The following FOXP2 variants were observed in gnomAD, a reference collection of about 807,000 sequenced individuals.
The protein encoded by FOXP2 is forkhead box protein P2.
FOXP2 carries 12 observed loss-of-function variants against 115.8 expected under a neutral mutation model. The ratio of observed to expected loss-of-function variants is 0.10; its 90% CI spans 0.07 to 0.17. The LOEUF (loss-of-function observed/expected upper bound fraction) is 0.17. Ranked by LOEUF, FOXP2 falls within the 10% of genes least tolerant of loss-of-function variation. FOXP2 has a pLI of 1.00. For missense variants in FOXP2, 629 were observed against 843.5 expected (o/e 0.75, Z 3.15); for synonymous variants, 328 against 297.7 (o/e 1.10, Z -1.05).
At chr7:114,490,559 G>C (rs562882176) in intron 2 of FOXP2, among the ~76,000 whole-genome samples, 1 of 152,048 alleles carries the variant, frequency 6.6e-6, no homozygotes, top group East Asian at 1.9e-4. Context: ...CAATGTGCAG[G>C]TTTGTTACAT....
chr7:114,608,148 G>T (rs1286720909), intron 3 of FOXP2, among the ~76,000 whole-genome samples: 3 of 152,134 alleles, frequency 2.0e-5, no homozygotes, highest in East Asian at 3.9e-4. Flanking sequence ...GTGCTATATT[G>T]CCAGGTCCCA....
chr7:114,505,406 T>C (rs1159613700), intron 2 of FOXP2, among the ~76,000 whole-genome samples: 1 of 151,570 alleles, frequency 6.6e-6, no homozygotes, highest in Non-Finnish European at 1.5e-5. Flanking sequence ...CTTTAAAATG[T>C]CAGGCTTTTC....
At chr7:114,401,896 G>A (rs572944156) in intron 2 of FOXP2, among the ~76,000 whole-genome samples, 107 of 152,234 alleles carry the variant, frequency 7.0e-4, no homozygotes, top group Admixed American at 1.8e-3. Flanking sequence ...CAAGGCAGGC[G>A]GATCACTTGA....
intron 3 of FOXP2, among the ~76,000 whole-genome samples, chr7:114,539,489 A>G (rs1160616801): frequency 6.6e-6 from 1 of 151,948 alleles, no homozygotes; most frequent in African/African-American, 2.4e-5. Flanking sequence ...TTTTAAAGAT[A>G]TTCTTTACTA....
chr7:114,362,206 C>T (rs1047370866), intron 2 of FOXP2, among the ~76,000 whole-genome samples: 2 of 151,730 alleles, frequency 1.3e-5, no homozygotes, highest in African/African-American at 2.4e-5. Context: ...GGACAGCAAA[C>T]GTAAGACTGA....
At chr7:114,451,894 C>T (rs2129219058) in intron 2 of FOXP2, among the ~76,000 whole-genome samples, 1 of 152,098 alleles carries the variant, frequency 6.6e-6, no homozygotes, top group East Asian at 1.9e-4. Flanking sequence ...TGAGTGATGA[C>T]AGCTGTTAGA....
chr7:114,226,253 G>A, intron 1 of FOXP2, among the ~76,000 whole-genome samples: 1 of 152,124 alleles, frequency 6.6e-6, no homozygotes, highest in East Asian at 1.9e-4. Flanking sequence ...AAACATTCTT[G>A]TGTAGCTTTT....
intron 2 of FOXP2, among the ~76,000 whole-genome samples, chr7:114,505,195 TA>T (rs1458202606): frequency 8.6e-5 from 13 of 151,630 alleles, no homozygotes; most frequent in African/African-American, 2.7e-4. Context: ...ATCAAGATTA[TA>T]GGGGGAAGGA....
chr7:114,315,129 T>C (rs1797244092), intron 2 of FOXP2, among the ~76,000 whole-genome samples: 2 of 152,312 alleles, frequency 1.3e-5, no homozygotes, highest in Middle Eastern at 3.4e-3. Flanking sequence ...GTTGGCTTTT[T>C]CCCAAACTCT....
chr7:114,368,453 TA>T (rs1791930436), intron 2 of FOXP2, among the ~76,000 whole-genome samples: 1 of 152,194 alleles, frequency 6.6e-6, no homozygotes, highest in Non-Finnish European at 1.5e-5. Context: ...AATGGCCCTA[TA>T]ACCATTTAAC....
intron 3 of FOXP2, among the ~76,000 whole-genome samples, chr7:114,550,479 T>C (rs751979597): frequency 6.6e-6 from 1 of 152,154 alleles, no homozygotes; most frequent in Non-Finnish European, 1.5e-5. Context: ...CTTTTCTCTC[T>C]CTCTTTCTTT....
At chr7:114,489,034 A>T (rs890248776) in intron 2 of FOXP2, among the ~76,000 whole-genome samples, 1 of 152,164 alleles carries the variant, frequency 6.6e-6, no homozygotes, top group African/African-American at 2.4e-5. Context: ...AACAGATGTT[A>T]TATCTATTTC....
chr7:114,688,105 T>G (rs1456021), intron 16 of FOXP2, among the ~76,000 whole-genome samples: 49,713 of 149,992 alleles, frequency 0.33, 9,715 homozygotes, highest in Non-Finnish European at 0.45. Flanking sequence ...TTCATAAACT[T>G]CAGGGTTTTT....
chr7:114,475,177 A>T (rs192417672), intron 2 of FOXP2, among the ~76,000 whole-genome samples: 50 of 152,246 alleles, frequency 3.3e-4, no homozygotes, highest in African/African-American at 1.1e-3. Flanking sequence ...ACAAATTGAT[A>T]TATAGTTAAA....
chr7:114,408,581 G>A (rs1048252646), intron 2 of FOXP2, among the ~76,000 whole-genome samples: 23 of 152,108 alleles, frequency 1.5e-4, no homozygotes, highest in African/African-American at 3.9e-4. Flanking sequence ...ACAAAAATTA[G>A]CAGGGCATGG....
At chr7:114,353,334 C>CTT (rs138925770) in intron 2 of FOXP2, among the ~76,000 whole-genome samples, 3,243 of 63,980 alleles carry the variant, frequency 0.051, 234 homozygotes, top group South Asian at 0.072. Flanking sequence ...ATAGGAGCCT[C>CTT]TTTTTTTTTT....
intron 2 of FOXP2, among the ~76,000 whole-genome samples, chr7:114,311,616 T>C (rs1797148644): frequency 6.6e-6 from 1 of 152,142 alleles, no homozygotes; most frequent in Non-Finnish European, 1.5e-5. Context: ...AGGTTTCTTA[T>C]GTGTGCTTGA....
intron 2 of FOXP2, among the ~76,000 whole-genome samples, chr7:114,317,679 C>T (rs1435781178): frequency 8.6e-5 from 13 of 152,044 alleles, no homozygotes; most frequent in Admixed American, 7.2e-4. Context: ...AATCATGTCA[C>T]GTCATCATTT....
At chr7:114,506,590 T>A (rs1012066106) in intron 2 of FOXP2, among the ~76,000 whole-genome samples, 1 of 151,700 alleles carries the variant, frequency 6.6e-6, no homozygotes, top group African/African-American at 2.4e-5. Flanking sequence ...TACATATATA[T>A]CTAATCAAAG....
Sources: gnomAD v4.1 joint callset for allele counts (sites outside exome capture counted in the v4.1 genomes callset) on GRCh38, gnomAD v4.1.1 for gene constraint, MANE v1.5 for transcripts, NCBI Gene and HGNC (gene_info 2026-07-23, HGNC 2026-07-21) for gene names.